SCN10A: variants seen among roughly 807,000 people sequenced by gnomAD.
SCN10A encodes sodium voltage-gated channel alpha subunit 10, also known as sodium channel protein type 10 subunit alpha.
Under a neutral mutation model 170.7 loss-of-function variants are expected in SCN10A, and 162 were observed. The ratio of observed to expected loss-of-function variants is 0.95; its 90% CI spans 0.84 to 1.08. The LOEUF (loss-of-function observed/expected upper bound fraction) is 1.08, where lower values mean the gene tolerates loss of function less well. SCN10A is among the 50% of genes least tolerant of loss of function. The pLI is 0.00. For missense variants in SCN10A, 2,527 were observed against 2,436.9 expected, an observed-to-expected ratio of 1.04 and a Z score of -0.78; for synonymous variants, 985 against 904.6, an observed-to-expected ratio of 1.09 and a Z score of -1.59.
intron 15 of SCN10A, among the ~76,000 whole-genome samples, chr3:38,731,064 A>G (rs979839682): frequency 2.6e-5 from 4 of 152,248 alleles, no homozygotes; most frequent in African/African-American, 4.8e-5. Flanking sequence ...ACCTAGACAT[A>G]TTACAGTGAA....
rs538914388 is a variant in SCN10A at position 38,776,422 on chromosome 3, G to A, written c.471-5015C>T. On this transcript the variant is annotated intron_variant, in intron 4 of 27. Coordinates refer to ENST00000449082, the MANE Select transcript of SCN10A (RefSeq NM_006514.4). ...TTTGAATTGTGATATTATGCAAAGC[G>A]ACAGTAATAATGGCAAATGCAAGTC... Among the ~76,000 whole-genome samples the A allele has an allele frequency of 5.3e-5, 8 of 152,104 alleles. No individual in the cohort carries two copies. The East Asian group carries it at 9.6e-4, about 18-fold the overall frequency.
rs143937123 is a variant in SCN10A, at chr3:38,744,653, C to T, written c.1868-2124G>A. Among the ~76,000 whole-genome samples, 43 of 152,016 alleles carry T rather than the reference C, an allele frequency of 2.8e-4. No homozygotes were observed. In the East Asian group the frequency reaches 7.1e-3, roughly 25 times the overall value. ...TTTTTTTCTTTCTTTTGTAGTTTCA[C>T]TTTTTTCACTTAAAACTTTGGTGCA... is the stretch of plus-strand genomic sequence containing the variant. On this transcript the variant is annotated intron_variant, in intron 13 of 27. Transcript: ENST00000449082.
intron 21 of SCN10A, among the ~76,000 whole-genome samples, chr3:38,715,582 C>T (rs1193175998): frequency 6.6e-6 from 1 of 152,172 alleles, no homozygotes; most frequent in Admixed American, 6.5e-5. Flanking sequence ...TCAAGGTCAG[C>T]CTTTAGCTAA....
intron 15 of SCN10A, among the ~76,000 whole-genome samples, 174 bp downstream of exon 15, chr3:38,739,341 C>T (rs1360163360): frequency 2.0e-5 from 3 of 152,210 alleles, no homozygotes; most frequent in South Asian, 2.1e-4. Flanking sequence ...CACTCTGAGT[C>T]AGCGAAAAGC....
At chr3:38,708,591 C>T (rs1268499078) in intron 25 of SCN10A, among the ~76,000 whole-genome samples, 9 of 152,164 alleles carry the variant, frequency 5.9e-5, no homozygotes, top group African/African-American at 1.7e-4. Flanking sequence ...TCTTGAGGCG[C>T]TGCCAGTCAC....
rs1027668046 is a variant in SCN10A at position 38,739,539 on chromosome 3, C to T, written c.2256G>A (p.Leu752=). The change falls in exon 15 of 28, where the codon CTG becomes CTA. Residue 752 remains leucine (L), a synonymous_variant. Transcript: ENST00000449082. ...CCAAGCGGAAGCTCCGCAGCACAGA[C>T]AGGCTTCCCTTCTTGGCCACGCCCA... ...LELGVAKKGS[L]SVLRSFRLLR... is the part of the protein sequence containing the mutation. 6.2e-7 allele frequency: 1 copy of T among 1,613,928 alleles called. No homozygotes were observed. The highest frequency in any genetic ancestry group is 8.5e-7 in the Non-Finnish European group (1 of 1,179,984).
intron 4 of SCN10A, 110 bp downstream of exon 4, chr3:38,788,846 G>A: frequency 1.4e-6 from 1 of 703,930 alleles, no homozygotes; most frequent in East Asian, 2.7e-5. Flanking sequence ...ATGAGATTCA[G>A]CATTACCCAC....
At chr3:38,716,046 T>G (rs140292358) in intron 21 of SCN10A, among the ~76,000 whole-genome samples, 1 of 152,258 alleles carries the variant, frequency 6.6e-6, no homozygotes, top group East Asian at 1.9e-4. Context: ...ATAGGATAGA[T>G]TTAATGTATA....
chr3:38,709,159 G>A (rs886154174), intron 25 of SCN10A, among the ~76,000 whole-genome samples: 4 of 152,112 alleles, frequency 2.6e-5, no homozygotes, highest in Non-Finnish European at 4.4e-5. Flanking sequence ...AGGTCAGCAA[G>A]TTCTAGATCC....
intron 1 of SCN10A, among the ~76,000 whole-genome samples, chr3:38,809,469 T>C (rs1035504670): frequency 2.6e-5 from 4 of 152,238 alleles, no homozygotes; most frequent in Non-Finnish European, 5.9e-5. Context: ...GACAGCTCTT[T>C]CTCATTCTGT....
chr3:38,714,917 A>G (rs1051564813), intron 21 of SCN10A, among the ~76,000 whole-genome samples: 3 of 152,178 alleles, frequency 2.0e-5, no homozygotes, highest in African/African-American at 7.2e-5. Flanking sequence ...TCTTAGCCAC[A>G]CCACAGATGG....
chr3:38,703,374 T>A (rs2063177105), intron 26 of SCN10A, among the ~76,000 whole-genome samples: 1 of 152,194 alleles, frequency 6.6e-6, no homozygotes, highest in African/African-American at 2.4e-5. Context: ...AGCAGAATAT[T>A]TCAGAAACTT....
intron 21 of SCN10A, among the ~76,000 whole-genome samples, chr3:38,718,446 C>T (rs1179952059): frequency 6.6e-6 from 1 of 152,248 alleles, no homozygotes; most frequent in East Asian, 1.9e-4. Flanking sequence ...ACTCACCTAA[C>T]AGTCACTATT....
chr3:38,799,064 G>A (rs1187328100), intron 1 of SCN10A, among the ~76,000 whole-genome samples: 1 of 152,114 alleles, frequency 6.6e-6, no homozygotes, highest in Admixed American at 6.6e-5. Flanking sequence ...ATTCTGGCAT[G>A]AGCCACTGTG....
chr3:38,793,779 G>C lies in SCN10A; in HGVS notation c.232C>G (p.Pro78Ala), dbSNP rs753292241. The C allele has an allele frequency of 7.4e-6, 12 of 1,613,818 alleles. No individual in the cohort carries two copies. The highest frequency in any genetic ancestry group is 9.3e-6 in the Non-Finnish European group (11 of 1,179,894). Residue 78 changes from proline to alanine, a missense_variant, in exon 2 of 28, where the codon CCC (proline) becomes GCC (alanine). Coordinates refer to ENST00000449082, the MANE Select transcript of SCN10A (RefSeq NM_006514.4). ...TAGAACGGATCTAGATCCTCCAGGG[G>C]CTCCCCGATCAGTTCTGCTGGGAGC... ...GELPAELIGE[P>A]LEDLDPFYST...
At chr3:38,709,328 A>C in intron 25 of SCN10A, 150 bp downstream of exon 25, 1 of 632,788 alleles carries the variant, frequency 1.6e-6, no homozygotes, top group Non-Finnish European at 2.5e-6. Flanking sequence ...TTCCTGCAAC[A>C]GCAATCACAG....
In SCN10A at chr3:38,728,869, G is replaced by C; in HGVS notation, c.2313C>G (p.Pro771=). The part of the protein sequence containing the change: ...LRVFKLAKSW[P]TLNTLIKIIG... ...TGATCTTGATGAGTGTGTTTAAGGT[G>C]GGCCAGGATTTGGCCAGCTTGAATA... The change falls in exon 16 of 28, where the codon CCC becomes CCG. Residue 771 remains proline, a synonymous_variant. Transcript: ENST00000449082. 6.2e-7 allele frequency: 1 copy of C among 1,612,354 alleles called. No homozygotes were observed. Among genetic ancestry groups the C allele is most frequent in the South Asian group, 1.1e-5 (1 of 91,026 alleles).
At chr3:38,811,954 C>T (rs1223027721) in intron 1 of SCN10A, among the ~76,000 whole-genome samples, 2 of 152,182 alleles carry the variant, frequency 1.3e-5, no homozygotes, top group Non-Finnish European at 2.9e-5. Flanking sequence ...AGCCCCCTGC[C>T]GCTCACTTGG....
intron 3 of SCN10A, 90 bp downstream of exon 3, chr3:38,791,960 G>T (rs2064286852): frequency 6.7e-6 from 10 of 1,492,246 alleles, no homozygotes; most frequent in Non-Finnish European, 9.0e-6. Context: ...ATTGGATAAG[G>T]GCTCTGTTGC....
Sources: gnomAD v4.1 joint callset for allele counts (sites outside exome capture counted in the v4.1 genomes callset) on GRCh38, gnomAD v4.1.1 for gene constraint, MANE v1.5 for transcripts, NCBI Gene and HGNC (gene_info 2026-07-23, HGNC 2026-07-21) for gene names.